SLC2A9: variants seen among roughly 807,000 people sequenced by gnomAD.
SLC2A9 encodes solute carrier family 2 member 9, also known as solute carrier family 2, facilitated glucose transporter member 9.
In SLC2A9, 39 loss-of-function variants were observed where a neutral mutation model predicts 50.6. The observed-to-expected ratio is 0.77, with a 90% confidence interval of 0.60 to 1.01. The LOEUF (loss-of-function observed/expected upper bound fraction) is 1.01, where lower values mean the gene tolerates loss of function less well. SLC2A9 is among the 50% of genes least tolerant of loss of function. The pLI, the probability that SLC2A9 is intolerant of heterozygous loss-of-function variation, is 0.00. For missense variants in SLC2A9, 686 were observed against 677.6 expected (o/e 1.01, Z -0.14); for synonymous variants, 324 against 276.9 (o/e 1.17, Z -1.69).
At chr4:10,022,161 G>T (rs959072880), upstream of SLC2A9, among the ~76,000 whole-genome samples, 1 of 152,146 alleles carries the variant, frequency 6.6e-6, no homozygotes, top group African/African-American at 2.4e-5. Flanking sequence ...TTTTAACTGT[G>T]TGTCCTCAGG....
At chr4:10,012,699 G>C (rs914438614) in intron 2 of SLC2A9, among the ~76,000 whole-genome samples, 2 of 152,156 alleles carry the variant, frequency 1.3e-5, no homozygotes, top group African/African-American at 4.8e-5. Flanking sequence ...ATCAAGGGAA[G>C]AGCACTGCAG....
At chr4:9,853,672 C>A (rs1730309016) in intron 10 of SLC2A9, among the ~76,000 whole-genome samples, 1 of 152,206 alleles carries the variant, frequency 6.6e-6, no homozygotes, top group Non-Finnish European at 1.5e-5. Flanking sequence ...CTACTGAATT[C>A]TCTACCCAAA....
chr4:9,942,113 G>A, intron 5 of SLC2A9, 68 bp from the exon 6 acceptor site: 8 of 1,603,316 alleles, frequency 5.0e-6, no homozygotes, highest in Non-Finnish European at 6.8e-6. Flanking sequence ...TGGGCCACTG[G>A]ACCAGGTGGT....
intron 5 of SLC2A9, among the ~76,000 whole-genome samples, chr4:9,955,867 ATTT>A (rs1170286158): frequency 1.5e-4 from 9 of 61,686 alleles, no homozygotes; most frequent in African/African-American, 5.6e-4. Context: ...AAGCATCTGG[ATTT>A]TTTTTTTTTT....
intron 10 of SLC2A9, among the ~76,000 whole-genome samples, chr4:9,860,114 T>C (rs1731372883): frequency 6.6e-6 from 1 of 152,206 alleles, no homozygotes; most frequent in Non-Finnish European, 1.5e-5. Flanking sequence ...GGATGGCACC[T>C]GCTATCTCTC....
At chr4:9,914,337 A>G (rs538743156) in intron 7 of SLC2A9, among the ~76,000 whole-genome samples, 12 of 152,316 alleles carry the variant, frequency 7.9e-5, no homozygotes, top group African/African-American at 2.4e-4. Flanking sequence ...ACGGCAATGT[A>G]TGGAAGCCCA....
At chr4:9,861,009 C>G (rs1233135156) in intron 10 of SLC2A9, among the ~76,000 whole-genome samples, 1 of 152,202 alleles carries the variant, frequency 6.6e-6, no homozygotes, top group Non-Finnish European at 1.5e-5. Flanking sequence ...GCATTTTCTC[C>G]ATCATTCTCC....
intron 5 of SLC2A9, among the ~76,000 whole-genome samples, chr4:9,974,358 A>T (rs1362496425): frequency 6.6e-6 from 1 of 152,192 alleles, no homozygotes; most frequent in Non-Finnish European, 1.5e-5. Flanking sequence ...TTCACTGATG[A>T]TCTAGAAAAG....
intron 10 of SLC2A9, among the ~76,000 whole-genome samples, chr4:9,872,479 C>A (rs902142289): frequency 6.6e-6 from 1 of 152,224 alleles, no homozygotes; most frequent in Non-Finnish European, 1.5e-5. Context: ...TGAACCTTTG[C>A]TATCCAGACT....
At chr4:9,776,066 AC>A (rs1397120821), downstream of SLC2A9, among the ~76,000 whole-genome samples, 19 of 152,088 alleles carry the variant, frequency 1.2e-4, no homozygotes, top group Non-Finnish European at 2.4e-4. Context: ...CAGCAAGGGA[AC>A]CCGAGGGAAG....
chr4:9,982,639 T>C (rs1756069669), intron 4 of SLC2A9, among the ~76,000 whole-genome samples: 1 of 152,210 alleles, frequency 6.6e-6, no homozygotes, highest in Non-Finnish European at 1.5e-5. Context: ...GAATCTCAGT[T>C]GCCTCCACTA....
At chr4:9,875,277 G>T (rs952117890) in intron 10 of SLC2A9, among the ~76,000 whole-genome samples, 75 of 149,376 alleles carry the variant, frequency 5.0e-4, no homozygotes, top group East Asian at 4.6e-3. Context: ...AATGGCCATA[G>T]GTTACTCTCT....
At chr4:9,925,625 T>C (rs937620301) in intron 6 of SLC2A9, among the ~76,000 whole-genome samples, 2 of 152,222 alleles carry the variant, frequency 1.3e-5, no homozygotes, top group African/African-American at 4.8e-5. Flanking sequence ...GTGTGTTAAG[T>C]GTTGGCACAT....
At chr4:9,919,724 C>T (rs1029777841) in intron 7 of SLC2A9, among the ~76,000 whole-genome samples, 16 of 152,208 alleles carry the variant, frequency 1.1e-4, no homozygotes, top group Non-Finnish European at 2.9e-5. Context: ...TATTTGCACA[C>T]TTCCATAGAT....
At chr4:9,926,681 G>A (rs1248623071) in intron 6 of SLC2A9, among the ~76,000 whole-genome samples, 2 of 151,944 alleles carry the variant, frequency 1.3e-5, no homozygotes, top group Admixed American at 1.3e-4. Context: ...ATAAACATAT[G>A]CTGAAGTCCT....
At chr4:9,901,149 C>T (rs1739542393) in intron 8 of SLC2A9, among the ~76,000 whole-genome samples, 1 of 152,170 alleles carries the variant, frequency 6.6e-6, no homozygotes, top group Non-Finnish European at 1.5e-5. Context: ...CTCAGGCCCC[C>T]AGGGGTTTGG....
At chr4:9,812,479 G>T (rs1244417171) in intron 3 of SLC2A9, among the ~76,000 whole-genome samples, 7 of 151,432 alleles carry the variant, frequency 4.6e-5, no homozygotes, top group Middle Eastern at 3.4e-3. Context: ...ACTTAACATA[G>T]TTCCAGCATA....
At chr4:9,844,630 G>C (rs1728659620) in intron 10 of SLC2A9, among the ~76,000 whole-genome samples, 1 of 152,216 alleles carries the variant, frequency 6.6e-6, no homozygotes, top group Non-Finnish European at 1.5e-5. Flanking sequence ...TGTTCTCTGT[G>C]AATCTGTGCT....
chr4:9,930,299 G>A (rs927917827), intron 6 of SLC2A9, among the ~76,000 whole-genome samples: 3 of 152,180 alleles, frequency 2.0e-5, no homozygotes, highest in African/African-American at 7.2e-5. Flanking sequence ...CAAATGCCAG[G>A]TCTTCCCCTA....
Sources: allele counts gnomAD v4.1 joint callset (sites outside exome capture counted in the v4.1 genomes callset), GRCh38; gene constraint gnomAD v4.1.1; transcripts MANE v1.5; gene names NCBI Gene and HGNC (gene_info 2026-07-23, HGNC 2026-07-21).